Variants in CAMTA1 observed in about 807,000 individuals in gnomAD.
CAMTA1 encodes the protein calmodulin binding transcription activator 1.
A neutral mutation model predicts 170.9 loss-of-function variants in CAMTA1; 27 were observed. The observed-to-expected ratio is 0.16, with a 90% CI of 0.12 to 0.22. CAMTA1 has a LOEUF of 0.22. Among genes scored for constraint, CAMTA1 ranks in the 10% least tolerant of loss-of-function variants. The pLI, the probability that CAMTA1 is intolerant of heterozygous loss-of-function variation, is 1.00. For synonymous variants in CAMTA1, 833 were observed against 891.5 expected, an observed-to-expected ratio of 0.93 and a Z score of 1.17; for missense variants, 1,619 against 2,217.2, an observed-to-expected ratio of 0.73 and a Z score of 5.42.
intron 4 of CAMTA1, among the ~76,000 whole-genome samples, chr1:7,218,838 C>T (rs781769845): frequency 6.6e-6 from 1 of 151,924 alleles, no homozygotes; most frequent in Non-Finnish European, 1.5e-5. Context: ...CTCTTTTTTC[C>T]AGTCGTGTGA....
chr1:7,544,849 C>G (rs1437416496), intron 6 of CAMTA1, among the ~76,000 whole-genome samples: 1 of 152,146 alleles, frequency 6.6e-6, no homozygotes, highest in Non-Finnish European at 1.5e-5. Context: ...AGAAGCCAGA[C>G]TCTTTAACAA....
intron 3 of CAMTA1, among the ~76,000 whole-genome samples, chr1:6,892,584 ATT>A (rs1319720554): frequency 2.1e-5 from 3 of 142,020 alleles, no homozygotes; most frequent in African/African-American, 7.7e-5. Flanking sequence ...TTCCAAGCAA[ATT>A]TTTTTCTTTT....
At chr1:7,199,734 A>T (rs1382187586) in intron 4 of CAMTA1, among the ~76,000 whole-genome samples, 2 of 123,474 alleles carry the variant, frequency 1.6e-5, no homozygotes, top group African/African-American at 6.1e-5. Context: ...GGTGGAAAGG[A>T]GGATGGTGGC....
At chr1:7,250,414 C>A (rs1322369575) in intron 5 of CAMTA1, among the ~76,000 whole-genome samples, 1 of 152,224 alleles carries the variant, frequency 6.6e-6, no homozygotes, top group Non-Finnish European at 1.5e-5. Flanking sequence ...TGGGAAGGAA[C>A]TTCCCCTGGG....
intron 1 of CAMTA1, among the ~76,000 whole-genome samples, chr1:6,791,679 T>C (rs1641140389): frequency 6.6e-6 from 1 of 152,212 alleles, no homozygotes; most frequent in East Asian, 1.9e-4. Flanking sequence ...TGAGAAGCAT[T>C]CTTGCTCTGC....
chr1:7,294,597 G>T (rs1225470018), intron 5 of CAMTA1, among the ~76,000 whole-genome samples: 1 of 152,216 alleles, frequency 6.6e-6, no homozygotes, highest in African/African-American at 2.4e-5. Context: ...CACCCACTTT[G>T]CTCTCGTTCA....
At chr1:7,127,918 G>T (rs1573289713) in intron 4 of CAMTA1, among the ~76,000 whole-genome samples, 2 of 152,320 alleles carry the variant, frequency 1.3e-5, no homozygotes, top group South Asian at 4.1e-4. Flanking sequence ...TCTCTATTCT[G>T]ACATAAAACC....
At chr1:6,994,356 TTG>T (rs1696860137) in intron 3 of CAMTA1, among the ~76,000 whole-genome samples, 1 of 152,168 alleles carries the variant, frequency 6.6e-6, no homozygotes, top group African/African-American at 2.4e-5. Context: ...TAGGGAAGAT[TTG>T]CTGGTGGTGA....
At chr1:7,524,252 A>G (rs2094404073) in intron 6 of CAMTA1, among the ~76,000 whole-genome samples, 2 of 152,198 alleles carry the variant, frequency 1.3e-5, no homozygotes, top group South Asian at 4.1e-4. Flanking sequence ...GCTATTATCA[A>G]TGGTATTGTG....
intron 4 of CAMTA1, among the ~76,000 whole-genome samples, chr1:7,196,571 T>C (rs1655573361): frequency 6.6e-6 from 1 of 152,202 alleles, no homozygotes; most frequent in Admixed American, 6.5e-5. Flanking sequence ...GAGTGATTTA[T>C]ATGAAAACAG....
chr1:7,045,493 A>G (rs1705229590), intron 3 of CAMTA1, among the ~76,000 whole-genome samples: 2 of 152,248 alleles, frequency 1.3e-5, no homozygotes, highest in Non-Finnish European at 2.9e-5. Context: ...ACCCCCCAGC[A>G]GGCCAACCTC....
At chr1:7,728,317 G>A (rs888268052) in intron 11 of CAMTA1, among the ~76,000 whole-genome samples, 1 of 152,220 alleles carries the variant, frequency 6.6e-6, no homozygotes, top group African/African-American at 2.4e-5. Flanking sequence ...GCTGATGCGG[G>A]GACCGCACTG....
chr1:7,629,494 G>A (rs1420837645), intron 6 of CAMTA1, among the ~76,000 whole-genome samples: 1 of 152,244 alleles, frequency 6.6e-6, no homozygotes. Context: ...CCGCTGTGTA[G>A]TTTGATTGTG....
At chr1:6,952,558 A>AGGTGTGTCTCACGCCT (rs1688696139) in intron 3 of CAMTA1, among the ~76,000 whole-genome samples, 3 of 151,030 alleles carry the variant, frequency 2.0e-5, no homozygotes, top group Admixed American at 2.0e-4. Flanking sequence ...CTATTTGGCC[A>AGGTGTGTCTCACGCCT]GGTGTGTCTC....
chr1:7,647,822 G>A (rs955262981), intron 7 of CAMTA1, among the ~76,000 whole-genome samples: 2 of 152,224 alleles, frequency 1.3e-5, no homozygotes, highest in African/African-American at 2.4e-5. Context: ...AGTGGCTTAC[G>A]CCTGTAATCC....
At chr1:7,284,133 T>C (rs919816258) in intron 5 of CAMTA1, among the ~76,000 whole-genome samples, 2 of 60,654 alleles carry the variant, frequency 3.3e-5, no homozygotes, top group African/African-American at 1.4e-4. Context: ...GCTGTTCTTC[T>C]TCTTCTTCTT....
intron 5 of CAMTA1, among the ~76,000 whole-genome samples, chr1:7,320,815 G>A (rs1316320623): frequency 2.6e-5 from 4 of 152,074 alleles, no homozygotes; most frequent in African/African-American, 9.7e-5. Context: ...CATTCAAGAA[G>A]AGGAAATGAC....
chr1:6,915,773 G>A (rs888986214), intron 3 of CAMTA1, among the ~76,000 whole-genome samples: 4 of 152,220 alleles, frequency 2.6e-5, no homozygotes, highest in Non-Finnish European at 5.9e-5. Flanking sequence ...TGGTCTCTAA[G>A]CAAGCAGTGA....
chr1:7,494,511 G>T (rs1367553744), intron 6 of CAMTA1, among the ~76,000 whole-genome samples: 1 of 152,106 alleles, frequency 6.6e-6, no homozygotes, highest in Non-Finnish European at 1.5e-5. Flanking sequence ...AGAGGTCAAA[G>T]GACCAAGAGG....
Sources: allele counts gnomAD v4.1 joint callset (sites outside exome capture counted in the v4.1 genomes callset), GRCh38; gene constraint gnomAD v4.1.1; transcripts MANE v1.5; gene names NCBI Gene and HGNC (gene_info 2026-07-23, HGNC 2026-07-21).